The following GRM7 variants were observed in gnomAD, a reference collection of about 807,000 sequenced individuals.
The protein encoded by GRM7 is metabotropic glutamate receptor 7.
In GRM7, 35 loss-of-function variants were observed where a neutral mutation model predicts 84.5. The observed-to-expected ratio is 0.41, with a 90% CI of 0.32 to 0.55. The LOEUF is 0.55. Among genes scored for constraint, GRM7 ranks in the 20% least tolerant of loss-of-function variants. The probability of loss-of-function intolerance (pLI) is 0.19; values close to 1 mark genes in which losing one functional copy is unlikely to be tolerated. For missense variants in GRM7, 1,003 were observed against 1,194.6 expected (o/e 0.84, Z 2.36); for synonymous variants, 487 against 455.1 (o/e 1.07, Z -0.89).
chr3:7,379,458 C>T (rs1443140212), intron 4 of GRM7, among the ~76,000 whole-genome samples: 4 of 152,148 alleles, frequency 2.6e-5, no homozygotes, highest in African/African-American at 9.7e-5. Flanking sequence ...TAATGACTTG[C>T]CTAAGACTTA....
intron 1 of GRM7, among the ~76,000 whole-genome samples, chr3:7,121,789 T>C (rs1693229968): frequency 6.6e-6 from 1 of 152,196 alleles, no homozygotes; most frequent in Non-Finnish European, 1.5e-5. Context: ...GGTTTGAATG[T>C]GGTCCCCAAA....
At chr3:7,670,329 G>C (rs550194154) in intron 8 of GRM7, among the ~76,000 whole-genome samples, 1 of 152,186 alleles carries the variant, frequency 6.6e-6, no homozygotes, top group Admixed American at 6.5e-5. Context: ...AGGAAGATCA[G>C]CAAACATAAG....
intron 7 of GRM7, among the ~76,000 whole-genome samples, chr3:7,547,268 G>T (rs937754596): frequency 1.5e-5 from 2 of 135,194 alleles, no homozygotes; most frequent in South Asian, 2.4e-4. Context: ...GTGCAGTGGC[G>T]TAATCTCGCC....
intron 8 of GRM7, among the ~76,000 whole-genome samples, chr3:7,635,167 C>T (rs1284081595): frequency 3.3e-5 from 5 of 152,150 alleles, no homozygotes; most frequent in African/African-American, 9.7e-5. Flanking sequence ...GGCTAATGGC[C>T]GCCATCTGGA....
intron 2 of GRM7, among the ~76,000 whole-genome samples, chr3:7,160,744 G>T (rs1378328837): frequency 1.3e-5 from 2 of 152,108 alleles, no homozygotes; most frequent in Non-Finnish European, 2.9e-5. Context: ...GCAAGTACTG[G>T]ATCTGGGATG....
chr3:7,534,469 C>A (rs925625751), intron 7 of GRM7, among the ~76,000 whole-genome samples: 2 of 152,076 alleles, frequency 1.3e-5, no homozygotes, highest in Non-Finnish European at 2.9e-5. Flanking sequence ...AGGATTTGAA[C>A]GCATGTCTGG....
At chr3:7,371,890 G>T (rs1948668) in intron 4 of GRM7, among the ~76,000 whole-genome samples, 151,990 of 152,268 alleles carry the variant, frequency 1, 75,857 homozygotes, top group Middle Eastern at 1. Context: ...GTGGGTGGGC[G>T]TGGTGGGTGT....
chr3:7,437,021 A>G lies in GRM7; in HGVS notation c.1175-15586A>G, dbSNP rs139970450. Among the ~76,000 whole-genome samples, 578 of 152,282 alleles carry G rather than the reference A, an allele frequency of 3.8e-3. 9 individuals are homozygous for G. The highest frequency in any genetic ancestry group is 0.034 in the South Asian group (166 of 4,822). ...TTGGATACAATAGACATCAAGTCCA[A>G]TGTATACTCCTTACAACTGTTATTT... On this transcript the variant is annotated intron_variant, in intron 5 of 9. Transcript: ENST00000357716.
At chr3:7,728,286 A>G (rs1702201344) in intron 9 of GRM7, among the ~76,000 whole-genome samples, 1 of 152,218 alleles carries the variant, frequency 6.6e-6, no homozygotes, top group East Asian at 1.9e-4. Context: ...TTATGTCTGT[A>G]ACCAGGTAAA....
chr3:7,010,720 G>A (rs371680220), intron 1 of GRM7, among the ~76,000 whole-genome samples: 18 of 152,112 alleles, frequency 1.2e-4, no homozygotes, highest in African/African-American at 3.1e-4. Flanking sequence ...AGAGGAGGCC[G>A]ATGAGGATTT....
intron 1 of GRM7, among the ~76,000 whole-genome samples, chr3:7,035,998 T>C (rs910224876): frequency 6.6e-6 from 1 of 152,214 alleles, no homozygotes; most frequent in African/African-American, 2.4e-5. Flanking sequence ...AATGATAGTG[T>C]TTTTATTACT....
rs146937434 is a variant in GRM7, at chr3:7,366,813, A to G, written c.1034-48210A>G. On this transcript the variant is annotated intron_variant, in intron 4 of 9. Transcript: ENST00000357716. ...CTCTACTCTCTTATCAGTTTTTCTT[A>G]TAAAAGTAATATATTATGAAAAGGC... 6.1e-3 allele frequency among the ~76,000 whole-genome samples: 930 copies of G among 151,972 alleles called. 6 individuals carry two copies. The highest frequency in any genetic ancestry group is 0.021 in the African/African-American group (878 of 41,520).
intron 1 of GRM7, among the ~76,000 whole-genome samples, chr3:6,904,509 C>G (rs144740197): frequency 6.6e-6 from 1 of 152,070 alleles, no homozygotes; most frequent in Non-Finnish European, 1.5e-5. Flanking sequence ...TAAGTTGTAT[C>G]GTTAGGTTAG....
At chr3:7,351,869 C>G (rs1693164088) in intron 4 of GRM7, among the ~76,000 whole-genome samples, 1 of 151,940 alleles carries the variant, frequency 6.6e-6, no homozygotes, top group Non-Finnish European at 1.5e-5. Context: ...GGTTTTGAGG[C>G]TTTCAAACTT....
chr3:6,952,659 T>C (rs1054044490), intron 1 of GRM7, among the ~76,000 whole-genome samples: 23 of 152,230 alleles, frequency 1.5e-4, no homozygotes, highest in African/African-American at 5.5e-4. Flanking sequence ...TGATCCTTAA[T>C]GATCTAATTT....
At chr3:7,139,914 A>G (rs1255224388) in intron 1 of GRM7, among the ~76,000 whole-genome samples, 10 of 152,074 alleles carry the variant, frequency 6.6e-5, no homozygotes, top group African/African-American at 1.7e-4. Context: ...GGAAACCAGT[A>G]TCTGATAAGG....
intron 1 of GRM7, among the ~76,000 whole-genome samples, chr3:7,142,427 G>A (rs536074059): frequency 1.3e-5 from 2 of 152,108 alleles, no homozygotes; most frequent in Middle Eastern, 3.4e-3. Context: ...AGGGGAAGCA[G>A]GGCACCTTCT....
intron 1 of GRM7, among the ~76,000 whole-genome samples, chr3:7,056,398 C>T (rs1009613063): frequency 2.6e-5 from 4 of 152,022 alleles, no homozygotes; most frequent in Non-Finnish European, 4.4e-5. Flanking sequence ...TGGCCACAGC[C>T]GGGGTTGGCT....
At chr3:7,051,625 G>C (rs1405039157) in intron 1 of GRM7, among the ~76,000 whole-genome samples, 3 of 151,686 alleles carry the variant, frequency 2.0e-5, no homozygotes. Flanking sequence ...CAAAGGAATT[G>C]GTAACCAGGA....
Sources: allele counts gnomAD v4.1 joint callset (sites outside exome capture counted in the v4.1 genomes callset), GRCh38; gene constraint gnomAD v4.1.1; transcripts MANE v1.5; gene names NCBI Gene and HGNC (gene_info 2026-07-23, HGNC 2026-07-21).